The following NME9 variants were observed in gnomAD, a reference collection of about 807,000 sequenced individuals.
NME9 encodes NME/NM23 family member 9.
In NME9, 48 loss-of-function variants were observed where a neutral mutation model predicts 44.4. The observed-to-expected ratio is 1.08, with a 90% confidence interval of 0.86 to 1.37. The LOEUF (loss-of-function observed/expected upper bound fraction) is 1.37. NME9 is among the 40% of genes most tolerant of loss of function. The probability of loss-of-function intolerance (pLI) is 0.00; values close to 1 mark genes in which losing one functional copy is unlikely to be tolerated. For missense variants in NME9, 325 were observed against 405.2 expected (o/e 0.80, Z 1.70); for synonymous variants, 139 against 147.1 (o/e 0.94, Z 0.40).
chr3:138,262,432 G>C (rs750254040), exon 9 of NME9: 9 of 1,269,078 alleles, frequency 7.1e-6, no homozygotes, highest in African/African-American at 1.5e-5. Flanking sequence ...TATTTTCCCT[G>C]ATCATTGTTA....
chr3:138,290,718 A>C (rs2050856621), intron 8 of NME9: 7 of 896,918 alleles, frequency 7.8e-6, no homozygotes, highest in Non-Finnish European at 1.2e-5. Flanking sequence ...CTTGGTAATT[A>C]ATGGCCATAC....
At chr3:138,314,810 G>A (rs1452701622) in intron 5 of NME9, among the ~76,000 whole-genome samples, 1 of 152,148 alleles carries the variant, frequency 6.6e-6, no homozygotes, top group Non-Finnish European at 1.5e-5. Context: ...GAGGGAAAAT[G>A]GCCAGTTTTC....
chr3:138,273,814 C>T (rs531607459), intron 8 of NME9, among the ~76,000 whole-genome samples: 3 of 151,260 alleles, frequency 2.0e-5, no homozygotes, highest in Non-Finnish European at 3.0e-5. Flanking sequence ...ATTTTTTATG[C>T]TTCCCCCTTT....
At chr3:138,294,871 GT>G (rs1455849716) in intron 8 of NME9, among the ~76,000 whole-genome samples, 1 of 150,464 alleles carries the variant, frequency 6.6e-6, no homozygotes. Flanking sequence ...TTTTTGGTTT[GT>G]TTTTTGGGTT....
rs892803558 is a variant in NME9, at chr3:138,329,309, G to A, written c.27C>T (p.Ala9=). 2.3e-5 allele frequency: 36 copies of A among 1,535,886 alleles called. No individual in the cohort carries two copies. The highest frequency in any genetic ancestry group is 5.5e-5 in the African/African-American group (4 of 73,032). Residue 9 remains alanine (A), a synonymous_variant, in exon 1 of 11, where the codon GCC becomes GCT. Coordinates refer to ENST00000333911, the MANE Select transcript of NME9 (RefSeq NM_001349018.2). MGSRKKEI[A]LQVNISTQEL... ...AGCGCCCCTTGAGGCTTACCTGCAG[G>A]GCAATTTCCTTCTTCCTGCTGCCCA...
At chr3:138,312,094 T>G (rs1317187056) in intron 6 of NME9, among the ~76,000 whole-genome samples, 2 of 152,032 alleles carry the variant, frequency 1.3e-5, no homozygotes, top group Non-Finnish European at 2.9e-5. Flanking sequence ...TATGATACAC[T>G]GATGAAAGAA....
intron 8 of NME9, chr3:138,273,212 G>T: frequency 7.9e-7 from 1 of 1,273,608 alleles, no homozygotes; most frequent in South Asian, 1.7e-5. Context: ...ATCTGCCCAT[G>T]AGTGTGATTC....
intron 6 of NME9, among the ~76,000 whole-genome samples, chr3:138,313,254 G>A (rs2052825796): frequency 6.6e-6 from 1 of 152,118 alleles, no homozygotes; most frequent in African/African-American, 2.4e-5. Context: ...AGCCAGGTGT[G>A]GTGGCGGGTG....
downstream of NME9, among the ~76,000 whole-genome samples, chr3:138,300,565 T>C (rs1199205624): frequency 6.6e-6 from 1 of 152,098 alleles, no homozygotes; most frequent in Non-Finnish European, 1.5e-5. Flanking sequence ...TCCCAAGTGG[T>C]CATAATAGCT....
intron 1 of NME9, among the ~76,000 whole-genome samples, chr3:138,325,823 T>C (rs1395470786): frequency 6.6e-6 from 1 of 150,546 alleles, no homozygotes; most frequent in Non-Finnish European, 1.5e-5. Context: ...TTTAGGTATT[T>C]GGAAGCAAAT....
chr3:138,323,775 G>A (rs1326930853), intron 2 of NME9, among the ~76,000 whole-genome samples: 1 of 152,168 alleles, frequency 6.6e-6, no homozygotes, highest in East Asian at 1.9e-4. Flanking sequence ...TATTCACAGA[G>A]AGAAAAATTG....
chr3:138,273,563 G>A (rs2048981610), intron 8 of NME9, among the ~76,000 whole-genome samples: 1 of 152,150 alleles, frequency 6.6e-6, no homozygotes, highest in South Asian at 2.1e-4. Flanking sequence ...AGATGCCAGT[G>A]TAGAAAGCAG....
intron 8 of NME9, chr3:138,270,089 G>A (rs2048650156): frequency 1.2e-6 from 2 of 1,613,576 alleles, no homozygotes; most frequent in Non-Finnish European, 1.7e-6. Flanking sequence ...TTAACTCAGA[G>A]TGAAAATCCT....
chr3:138,298,169 C>G (rs1167167589), downstream of NME9: 1 of 152,252 alleles, frequency 6.6e-6, no homozygotes, highest in Non-Finnish European at 1.5e-5. Context: ...AAGTTCTTAA[C>G]TAAGCTTCTC....
chr3:138,267,832 G>A (rs1274947064), intron 8 of NME9, among the ~76,000 whole-genome samples: 2 of 152,120 alleles, frequency 1.3e-5, no homozygotes, highest in Non-Finnish European at 2.9e-5. Flanking sequence ...CCCCTGATCT[G>A]CCCAATTATG....
At chr3:138,319,752 C>T (rs1184251190) in intron 2 of NME9, among the ~76,000 whole-genome samples, 171 bp from the exon 3 acceptor site, 4 of 152,202 alleles carry the variant, frequency 2.6e-5, no homozygotes, top group Non-Finnish European at 4.4e-5. Context: ...GGTGGAAACA[C>T]AGCTAGTCCT....
chr3:138,325,796 A>ATTT (rs35102089), intron 1 of NME9, among the ~76,000 whole-genome samples: 17 of 140,322 alleles, frequency 1.2e-4, no homozygotes, highest in South Asian at 9.1e-4. Flanking sequence ...AGATTTAGGG[A>ATTT]TTTTTTTTTT....
Position 138,301,004 on chromosome 3 carries a change from T to C in NME9, c.*636A>G, listed in dbSNP as rs901627365. On this transcript the variant is annotated 3_prime_UTR_variant, in exon 11 of 11. Transcript: ENST00000333911. ...CAAATTAAGTTCTAAAATTGTTTAATTCATAAGGTAGATTTATTGTTGGGG... is the reference window on the plus strand; with the variant it reads ...CAAATTAAGTTCTAAAATTGTTTAACTCATAAGGTAGATTTATTGTTGGGG... 4.2e-6 allele frequency: 4 copies of C among 957,780 alleles called. No homozygotes were observed. Among genetic ancestry groups the C allele is most frequent in the Non-Finnish European group, 5.0e-6 (4 of 804,776 alleles). The allele number at this position is 957,780 out of a possible 1,614,324, so 59.3% of individuals were successfully genotyped here.
chr3:138,263,549 T>A (rs1488441810), intron 8 of NME9: 2 of 607,496 alleles, frequency 3.3e-6, no homozygotes, highest in Non-Finnish European at 5.9e-6. Flanking sequence ...GCCTGGCAGG[T>A]CCTTAGTGGG....
Sources: allele counts gnomAD v4.1 joint callset (sites outside exome capture counted in the v4.1 genomes callset), GRCh38; gene constraint gnomAD v4.1.1; transcripts MANE v1.5; gene names NCBI Gene and HGNC (gene_info 2026-07-23, HGNC 2026-07-21).